The following WAC variants were observed in gnomAD, a reference collection of about 807,000 sequenced individuals.
WAC encodes the protein WW domain containing adaptor with coiled-coil.
Under a neutral mutation model 79.6 loss-of-function variants are expected in WAC, and 11 were observed. That is an observed-to-expected ratio of 0.14 (90% confidence interval 0.09 to 0.23). The LOEUF (loss-of-function observed/expected upper bound fraction) is 0.23. Among genes scored for constraint, WAC ranks in the 10% least tolerant of loss-of-function variants. The pLI is 1.00. For synonymous variants in WAC, 304 were observed against 276.9 expected (o/e 1.10, Z -0.97); for missense variants, 728 against 773.5 (o/e 0.94, Z 0.70).
intron 5 of WAC, 63 bp downstream of exon 5, chr10:28,589,914 TACA>T (rs2132670026): frequency 8.2e-7 from 1 of 1,221,866 alleles, no homozygotes; most frequent in Non-Finnish European, 1.2e-6. Flanking sequence ...GTTAACATCT[TACA>T]GCATTAAACA....
At position 28,590,856 on chromosome 10, in the gene WAC, G is replaced by A. The variant is rs774396063; in HGVS notation, c.610+24G>A. On this transcript the variant is annotated intron_variant, in intron 6 of 13. Transcript: ENST00000354911. ...AAGTAAGTATTAATTTTTTTTCTTT[G>A]AAATGTATGTTTGACTTATTCGTAT... The A allele has an allele frequency of 2.6e-6, 4 of 1,546,832 alleles. No individual in the cohort carries two copies. The African/African-American group carries it at 5.5e-5, about 21-fold the overall frequency.
At chr10:28,590,339 A>G (rs1198872614) in intron 5 of WAC, among the ~76,000 whole-genome samples, 1 of 150,844 alleles carries the variant, frequency 6.6e-6, no homozygotes, top group Non-Finnish European at 1.5e-5. Flanking sequence ...AAAAAAATCT[A>G]GGATAGATAG....
rs540419957 is a variant in WAC, at chr10:28,584,886, G to A, written c.381+1381G>A. 4.6e-5 allele frequency among the ~76,000 whole-genome samples: 7 copies of A among 152,138 alleles called. No individual in the cohort carries two copies. The South Asian group carries it at 1.5e-3, about 32-fold the overall frequency. On this transcript the variant is annotated intron_variant, in intron 4 of 13. Coordinates refer to ENST00000354911, the MANE Select transcript of WAC (RefSeq NM_016628.5). ...CGGGTGGATCACTTGAGGCCAAGAT[G>A]GTGAAACCCCATCTCTACTAAAGAT...
chr10:28,545,607 GTT>G (rs1467588592), intron 3 of WAC, among the ~76,000 whole-genome samples: 2 of 152,248 alleles, frequency 1.3e-5, no homozygotes, highest in African/African-American at 4.8e-5. Context: ...AGGAATGTGA[GTT>G]TTATCATTAA....
At chr10:28,571,886 C>T (rs890741009) in intron 3 of WAC, among the ~76,000 whole-genome samples, 4 of 152,140 alleles carry the variant, frequency 2.6e-5, no homozygotes, top group African/African-American at 4.8e-5. Flanking sequence ...TACTTGCTCA[C>T]CTTTTAGAAT....
Position 28,610,713 on chromosome 10 carries a change from G to A in WAC, c.1180G>A (p.Val394Met). The A allele has an allele frequency of 1.2e-6, 2 of 1,608,732 alleles. No homozygotes were observed. The highest frequency in any genetic ancestry group is 1.7e-4 in the Middle Eastern group (1 of 6,050). Residue 394 changes from valine (V) to methionine (M), a missense_variant, in exon 9 of 14, where the codon GTG (valine) becomes ATG (methionine). Physicochemically the swap from Val to Met is conservative, Grantham distance 21. Around this residue, in one of 3 missense-constraint regions of WAC, gnomAD observed 648 missense variants for 661.5 expected, o/e 0.98. Coordinates refer to ENST00000354911, the MANE Select transcript of WAC (RefSeq NM_016628.5). ...TATGTTTTTAGTTCTTACAGCAGCT[G>A]TGACACAAGCCTCACTGCAGTCTAT... ...SKINEVLTAA[V>M]TQASLQSIIH...
rs555517146 is a variant in WAC, at chr10:28,606,320, G to A, written c.920-1866G>A. 3.5e-4 allele frequency among the ~76,000 whole-genome samples: 53 copies of A among 152,292 alleles called. No homozygotes were observed. In the East Asian group the frequency reaches 6.8e-3, roughly 19 times the overall value. ...CAAAATGCTGGGATTATAGGCGTGAGCCACCACGTCCATCTGACAGCAGAA... is the reference window on the plus strand; with the variant it reads ...CAAAATGCTGGGATTATAGGCGTGAACCACCACGTCCATCTGACAGCAGAA... On this transcript the variant is annotated intron_variant, in intron 7 of 13. Coordinates refer to ENST00000354911, the MANE Select transcript of WAC (RefSeq NM_016628.5).
At chr10:28,612,309 T>C (rs1393008704) in intron 10 of WAC, among the ~76,000 whole-genome samples, 1 of 152,226 alleles carries the variant, frequency 6.6e-6, no homozygotes, top group Non-Finnish European at 1.5e-5. Context: ...GCTAAGAACT[T>C]AATGTATGTT....
At chr10:28,615,235 G>T (rs968000961) in intron 11 of WAC, 1 of 152,156 alleles carries the variant, frequency 6.6e-6, no homozygotes, top group Non-Finnish European at 1.5e-5. Context: ...TGAATGAATG[G>T]TTTTCATTTG....
chr10:28,533,575 C>T lies in WAC; in HGVS notation c.-5C>T. On this transcript the variant is annotated 5_prime_UTR_variant, in exon 1 of 14. Transcript: ENST00000354911. ...CCCCGACACACACTCACAGGCCGGG[C>T]ATTGATGGTAATGTATGCGAGGAAA... 1 of 1,564,612 alleles carries T rather than the reference C, an allele frequency of 6.4e-7. No individual in the cohort carries two copies. Among genetic ancestry groups the T allele is most frequent in the Non-Finnish European group, 8.7e-7 (1 of 1,153,230 alleles).
At chr10:28,612,304 GA>G (rs1841279386) in intron 10 of WAC, among the ~76,000 whole-genome samples, 1 of 152,220 alleles carries the variant, frequency 6.6e-6, no homozygotes, top group Non-Finnish European at 1.5e-5. Context: ...TCTGTGCTAA[GA>G]ACTTAATGTA....
chr10:28,585,288 G>C (rs1292358049), intron 4 of WAC, among the ~76,000 whole-genome samples: 1 of 152,098 alleles, frequency 6.6e-6, no homozygotes, highest in Non-Finnish European at 1.5e-5. Context: ...GTATGGTGAA[G>C]CTAGTTCTAG....
chr10:28,544,124 C>T (rs1025812949), intron 3 of WAC, among the ~76,000 whole-genome samples: 4 of 152,222 alleles, frequency 2.6e-5, no homozygotes, highest in Admixed American at 1.3e-4. Context: ...CTCATGTGAT[C>T]CATTCGCCTC....
chr10:28,608,840 C>T (rs1328908227), intron 8 of WAC, among the ~76,000 whole-genome samples: 1 of 152,010 alleles, frequency 6.6e-6, no homozygotes. Flanking sequence ...ATGCTAATTA[C>T]TAGAAAAGTA....
chr10:28,534,235 T>G, intron 2 of WAC: 1 of 465,036 alleles, frequency 2.2e-6, no homozygotes, highest in East Asian at 3.5e-5. Context: ...TTTTGACAGG[T>G]GACTGGAGGG....
At chr10:28,536,009 A>C (rs1022300684) in intron 3 of WAC, 1 of 238,818 alleles carries the variant, frequency 4.2e-6, no homozygotes, top group African/African-American at 2.3e-5. Context: ...TGGGAGGCCG[A>C]GGCGGGCAGA....
chr10:28,599,895 A>G (rs1840555880), intron 7 of WAC, among the ~76,000 whole-genome samples: 1 of 152,162 alleles, frequency 6.6e-6, no homozygotes, highest in African/African-American at 2.4e-5. Flanking sequence ...GGACCACCAT[A>G]CAACAAGTAG....
chr10:28,589,962 A>G (rs1479797391), intron 5 of WAC, 111 bp downstream of exon 5: 5 of 745,436 alleles, frequency 6.7e-6, no homozygotes, highest in African/African-American at 1.8e-5. Context: ...CTGCCCATCT[A>G]CACTTTTTAG....
intron 7 of WAC, among the ~76,000 whole-genome samples, chr10:28,599,877 A>G (rs1189122943): frequency 6.6e-6 from 1 of 152,160 alleles, no homozygotes; most frequent in Non-Finnish European, 1.5e-5. Flanking sequence ...ATGTATGATC[A>G]CTTTATTGGA....
Sources: gnomAD v4.1 joint callset for allele counts (sites outside exome capture counted in the v4.1 genomes callset) on GRCh38, gnomAD v4.1.1 for gene constraint, gnomAD v4.1.1 regional missense constraint, MANE v1.5 for transcripts, NCBI Gene and HGNC (gene_info 2026-07-23, HGNC 2026-07-21) for gene names.